The following QTMAN variants were observed in gnomAD, a reference collection of about 807,000 sequenced individuals.
The protein encoded by QTMAN is queuosine-tRNA mannosyltransferase.
At chr2:144,325,417 T>C in the QTMAN span, among the ~76,000 whole-genome samples, 1 of 150,554 alleles carries the variant, frequency 6.6e-6, no homozygotes, top group Non-Finnish European at 1.5e-5. Context: ...AAAACAAAAC[T>C]ATAGAGCAAC....
the QTMAN span, among the ~76,000 whole-genome samples, chr2:144,269,887 A>G: frequency 0.45 from 68,569 of 151,668 alleles, 17,254 homozygotes; most frequent in East Asian, 0.68. Context: ...ATAAAATATA[A>G]CAGCATATAT....
chr2:144,279,914 T>C, the QTMAN span, among the ~76,000 whole-genome samples: 1 of 152,092 alleles, frequency 6.6e-6, no homozygotes, highest in African/African-American at 2.4e-5. Flanking sequence ...AGTGACACAA[T>C]TATATGCATT....
the QTMAN span, among the ~76,000 whole-genome samples, chr2:144,059,781 G>A: frequency 6.6e-6 from 1 of 151,994 alleles, no homozygotes; most frequent in Non-Finnish European, 1.5e-5. Flanking sequence ...CTCTTAGAAT[G>A]TGCCACATGT....
the QTMAN span, among the ~76,000 whole-genome samples, chr2:144,328,863 C>T: frequency 6.6e-6 from 1 of 152,184 alleles, no homozygotes. Flanking sequence ...GGAATTGGCT[C>T]TGCATCTGCT....
At chr2:144,296,675 A>G in the QTMAN span, among the ~76,000 whole-genome samples, 2 of 152,218 alleles carry the variant, frequency 1.3e-5, no homozygotes, top group Non-Finnish European at 2.9e-5. Flanking sequence ...TTTCTGAATC[A>G]GAGACACACT....
At chr2:144,105,903 C>A in the QTMAN span, among the ~76,000 whole-genome samples, 4 of 152,230 alleles carry the variant, frequency 2.6e-5, no homozygotes, top group African/African-American at 9.6e-5. Context: ...AACAGTGAAT[C>A]TCTTGGCAGA....
At chr2:144,135,716 A>G in the QTMAN span, among the ~76,000 whole-genome samples, 496 of 152,326 alleles carry the variant, frequency 3.3e-3, 16 homozygotes, top group Admixed American at 0.029. Flanking sequence ...GTCAAGTACT[A>G]GAGACCAGAG....
At chr2:144,079,922 A>C in the QTMAN span, among the ~76,000 whole-genome samples, 1 of 152,122 alleles carries the variant, frequency 6.6e-6, no homozygotes, top group Admixed American at 6.5e-5. Context: ...GTTTTAAAAG[A>C]ATTCCACTTT....
chr2:144,180,308 C>G, the QTMAN span, among the ~76,000 whole-genome samples: 2 of 151,710 alleles, frequency 1.3e-5, no homozygotes, highest in African/African-American at 4.8e-5. Context: ...AAATGGAAAC[C>G]AAGATTTTTT....
chr2:144,259,205 C>T, the QTMAN span, among the ~76,000 whole-genome samples: 4 of 152,306 alleles, frequency 2.6e-5, no homozygotes, highest in Non-Finnish European at 5.9e-5. Flanking sequence ...GTCGCCCAGG[C>T]TGGAGTGCAG....
At chr2:144,234,481 T>A in the QTMAN span, among the ~76,000 whole-genome samples, 1 of 152,092 alleles carries the variant, frequency 6.6e-6, no homozygotes, top group African/African-American at 2.4e-5. Context: ...TCAGCTCAGA[T>A]CCCATGCTGG....
the QTMAN span, among the ~76,000 whole-genome samples, chr2:144,265,099 C>T: frequency 6.6e-6 from 1 of 152,178 alleles, no homozygotes; most frequent in African/African-American, 2.4e-5. Flanking sequence ...GACACACTGA[C>T]AAACATATAT....
chr2:144,198,942 C>G, the QTMAN span, among the ~76,000 whole-genome samples: 2 of 152,074 alleles, frequency 1.3e-5, no homozygotes, highest in Non-Finnish European at 2.9e-5. Flanking sequence ...CTTCCTTTTC[C>G]TACAGTGCTC....
chr2:143,982,862 A>C, the QTMAN span, among the ~76,000 whole-genome samples: 2 of 150,786 alleles, frequency 1.3e-5, no homozygotes, highest in African/African-American at 4.9e-5. Flanking sequence ...TCAAAAAAAA[A>C]AAAAAAAAAA....
the QTMAN span, among the ~76,000 whole-genome samples, chr2:144,223,253 A>T: frequency 6.6e-6 from 1 of 152,150 alleles, no homozygotes; most frequent in African/African-American, 2.4e-5. Flanking sequence ...TTAAGAAGTT[A>T]TTTCTAGAAA....
At chr2:144,326,710 T>C in the QTMAN span, among the ~76,000 whole-genome samples, 5 of 152,108 alleles carry the variant, frequency 3.3e-5, no homozygotes, top group African/African-American at 1.2e-4. Context: ...ATAACAGAAC[T>C]TATTGTTGGG....
At chr2:143,986,850 G>A in the QTMAN span, among the ~76,000 whole-genome samples, 6 of 152,318 alleles carry the variant, frequency 3.9e-5, no homozygotes, top group South Asian at 1.2e-3. Flanking sequence ...CTAAGAGAAT[G>A]TAAGTTCAGA....
At chr2:144,084,985 A>G in the QTMAN span, among the ~76,000 whole-genome samples, 1 of 152,214 alleles carries the variant, frequency 6.6e-6, no homozygotes, top group African/African-American at 2.4e-5. Context: ...CCAGGAATCT[A>G]CATTTTTAAA....
At chr2:143,982,764 C>T in the QTMAN span, among the ~76,000 whole-genome samples, 4,443 of 147,886 alleles carry the variant, frequency 0.03, 213 homozygotes, top group African/African-American at 0.1. Flanking sequence ...AGGAGGCTGA[C>T]ACAGGAGAAC....
Sources: allele counts gnomAD v4.1 joint callset (sites outside exome capture counted in the v4.1 genomes callset), GRCh38; gene constraint gnomAD v4.1.1; transcripts MANE v1.5; gene names NCBI Gene and HGNC (gene_info 2026-07-23, HGNC 2026-07-21).